AAK1: variants seen among roughly 807,000 people sequenced by gnomAD.
AAK1 encodes AP2-associated protein kinase 1.
Under a neutral mutation model 116.0 loss-of-function variants are expected in AAK1, and 37 were observed. The ratio of observed to expected loss-of-function variants is 0.32; its 90% CI spans 0.25 to 0.42. The LOEUF is 0.42. Among genes scored for constraint, AAK1 ranks in the 10% least tolerant of loss-of-function variants. AAK1 has a pLI of 1.00. For synonymous variants in AAK1, 458 were observed against 439.9 expected (o/e 1.04, Z -0.51); for missense variants, 919 against 1,170.6 (o/e 0.79, Z 3.14).
intron 17 of AAK1, among the ~76,000 whole-genome samples, chr2:69,486,123 A>AT: frequency 6.6e-6 from 1 of 151,756 alleles, no homozygotes; most frequent in Non-Finnish European, 1.5e-5. Context: ...CTCGGCTAAT[A>AT]TTTTTTATTT....
chr2:69,489,160 T>C (rs1259631956), intron 17 of AAK1, among the ~76,000 whole-genome samples: 1 of 150,212 alleles, frequency 6.7e-6, no homozygotes, highest in Admixed American at 6.6e-5. Flanking sequence ...TCCTAAAATA[T>C]CAAAAGAGAA....
At chr2:69,588,411 G>A (rs116387827) in intron 2 of AAK1, among the ~76,000 whole-genome samples, 3,273 of 152,198 alleles carry the variant, frequency 0.022, 102 homozygotes, top group African/African-American at 0.071. Context: ...TATTTGTCAC[G>A]GACATCAGTT....
chr2:69,603,049 T>C (rs978578056), intron 2 of AAK1, among the ~76,000 whole-genome samples: 10 of 152,092 alleles, frequency 6.6e-5, no homozygotes, highest in African/African-American at 2.4e-4. Context: ...GATGAATGGA[T>C]GGAGGGATGG....
chr2:69,507,503 C>G lies in AAK1; in HGVS notation c.2082G>C (p.Thr694=). The G allele has an allele frequency of 6.2e-7, 1 of 1,612,568 alleles. No individual in the cohort carries two copies. The highest frequency in any genetic ancestry group is 1.6e-4 in the Middle Eastern group (1 of 6,062). Reference sequence around the variant, plus strand: ...AATTATCGTCATCAAAGGGATTCCACGTAGACCCTTCTGAAGGATTATAAA... The same window carrying G: ...AATTATCGTCATCAAAGGGATTCCAGGTAGACCCTTCTGAAGGATTATAAA... The part of the protein sequence containing the change: ...QNVYNPSEGS[T]WNPFDDDNFS... Residue 694 remains threonine, a synonymous_variant, in exon 15 of 22, where the codon ACG becomes ACC. Coordinates refer to ENST00000409085, the MANE Select transcript of AAK1 (RefSeq NM_014911.5).
At position 69,469,421 on chromosome 2, in the gene AAK1, C is replaced by T; in HGVS notation, c.*6448G>A. Reference sequence around the variant, plus strand: ...TTTTGAGTATGTGAATGTGTTCTTACAGGGAAAATGTGTTTTCAGGGTGAA... The same window carrying T: ...TTTTGAGTATGTGAATGTGTTCTTATAGGGAAAATGTGTTTTCAGGGTGAA... On this transcript the variant is annotated 3_prime_UTR_variant, in exon 22 of 22. Transcript: ENST00000409085. 8.1e-6 allele frequency: 8 copies of T among 985,412 alleles called. No individual in the cohort carries two copies. Among genetic ancestry groups the T allele is most frequent in the Non-Finnish European group, 9.6e-6 (8 of 829,940 alleles). 61.0% of individuals were successfully genotyped at this position (985,412 alleles called of 1,614,324 possible).
intron 2 of AAK1, among the ~76,000 whole-genome samples, chr2:69,634,815 T>C (rs1675377073): frequency 6.6e-6 from 1 of 151,724 alleles, no homozygotes; most frequent in Admixed American, 6.5e-5. Flanking sequence ...TATGTTCTAG[T>C]TTTCTCTTAG....
intron 17 of AAK1, among the ~76,000 whole-genome samples, chr2:69,485,659 C>CTT (rs1178344901): frequency 7.6e-5 from 11 of 144,672 alleles, no homozygotes; most frequent in Non-Finnish European, 9.1e-5. Flanking sequence ...GAAAATCTCT[C>CTT]TTTTTTTTTT....
chr2:69,617,355 T>A (rs764014733), intron 2 of AAK1, among the ~76,000 whole-genome samples: 2 of 152,222 alleles, frequency 1.3e-5, no homozygotes, highest in African/African-American at 2.4e-5. Context: ...AGAGGAGAAA[T>A]GGATTCTAAT....
chr2:69,603,410 A>G (rs982749721), intron 2 of AAK1, among the ~76,000 whole-genome samples: 2 of 152,154 alleles, frequency 1.3e-5, no homozygotes, highest in African/African-American at 4.8e-5. Flanking sequence ...CTGAGAATAA[A>G]AGGCAATTCC....
intron 2 of AAK1, among the ~76,000 whole-genome samples, chr2:69,640,538 A>G (rs1042522872): frequency 2.0e-5 from 3 of 152,350 alleles, no homozygotes; most frequent in Middle Eastern, 6.8e-3. Flanking sequence ...TTAAAGGCAG[A>G]TGTCAATCAC....
chr2:69,573,183 G>A (rs1480837469), intron 2 of AAK1, among the ~76,000 whole-genome samples: 2 of 152,198 alleles, frequency 1.3e-5, no homozygotes, highest in Non-Finnish European at 2.9e-5. Context: ...TCCATAACCA[G>A]AGTCTTGGGG....
chr2:69,487,771 AT>A (rs1675354533), intron 17 of AAK1, among the ~76,000 whole-genome samples: 1 of 138,846 alleles, frequency 7.2e-6, no homozygotes, highest in Non-Finnish European at 1.6e-5. Context: ...TTGCATTAGT[AT>A]TTTTTGTTTG....
At chr2:69,566,260 A>G (rs1347178223) in intron 2 of AAK1, among the ~76,000 whole-genome samples, 1 of 152,246 alleles carries the variant, frequency 6.6e-6, no homozygotes, top group African/African-American at 2.4e-5. Flanking sequence ...CAAGGAGCAC[A>G]GCAAAGCTTT....
At chr2:69,530,554 T>C in intron 7 of AAK1, 71 bp downstream of exon 7, 2 of 1,279,406 alleles carry the variant, frequency 1.6e-6, no homozygotes, top group Non-Finnish European at 2.3e-6. Context: ...TAGCGCTGTG[T>C]GCATTAACCT....
Position 69,467,489 on chromosome 2 carries a change from T to C in AAK1, c.*8380A>G, listed in dbSNP as rs1046281862. The C allele has an allele frequency of 8.1e-6, 8 of 985,240 alleles. No homozygotes were observed. The South Asian group carries it at 1.4e-4, about 17-fold the overall frequency. 61.0% of individuals were successfully genotyped at this position (985,240 alleles called of 1,614,324 possible). On this transcript the variant is annotated 3_prime_UTR_variant, in exon 22 of 22. Transcript: ENST00000409085. ...AGCAAGAGGGCAGGAAAAAGGCATA[T>C]GTAACTAAGCAAGAAGAATCCAGAG...
chr2:69,608,999 T>C (rs1221504023), intron 2 of AAK1, among the ~76,000 whole-genome samples: 1 of 152,242 alleles, frequency 6.6e-6, no homozygotes, highest in Non-Finnish European at 1.5e-5. Context: ...ACATCTTGTG[T>C]ATGTGGATTG....
chr2:69,508,833 G>C (rs545234329), intron 14 of AAK1, among the ~76,000 whole-genome samples: 1 of 152,176 alleles, frequency 6.6e-6, no homozygotes. Flanking sequence ...AACACAACAG[G>C]CCCTGCTATG....
intron 2 of AAK1, among the ~76,000 whole-genome samples, chr2:69,569,306 T>C (rs1468877387): frequency 1.3e-5 from 2 of 152,214 alleles, no homozygotes; most frequent in Non-Finnish European, 2.9e-5. Context: ...TTGTAGAATC[T>C]ACAAGTATTA....
At chr2:69,581,287 T>C (rs2105143371) in intron 2 of AAK1, among the ~76,000 whole-genome samples, 1 of 152,246 alleles carries the variant, frequency 6.6e-6, no homozygotes, top group East Asian at 1.9e-4. Context: ...CTAATTTTTG[T>C]ATTTTCAGTA....
Sources: gnomAD v4.1 joint callset for allele counts (sites outside exome capture counted in the v4.1 genomes callset) on GRCh38, gnomAD v4.1.1 for gene constraint, MANE v1.5 for transcripts, NCBI Gene and HGNC (gene_info 2026-07-23, HGNC 2026-07-21) for gene names.